MMP20: variants seen among roughly 807,000 people sequenced by gnomAD.
The protein encoded by MMP20 is matrix metallopeptidase 20, also known as matrix metalloproteinase-20.
Under a neutral mutation model 51.8 loss-of-function variants are expected in MMP20, and 50 were observed. That is an observed-to-expected ratio of 0.97 (90% CI 0.77 to 1.22). The LOEUF (loss-of-function observed/expected upper bound fraction) is 1.22. MMP20 is among the 50% of genes most tolerant of loss of function. The pLI is 0.00. For synonymous variants in MMP20, 244 were observed against 216.2 expected, an observed-to-expected ratio of 1.13 and a Z score of -1.13; for missense variants, 663 against 601.4, an observed-to-expected ratio of 1.10 and a Z score of -1.07.
In MMP20 at chr11:102,625,200, G is replaced by A. The variant is rs762825981; in HGVS notation, c.120C>T (p.Leu40=). 3.7e-6 allele frequency: 6 copies of A among 1,613,902 alleles called. No homozygotes were observed. In the Admixed American group the frequency reaches 5.0e-5, roughly 13 times the overall value. ...SPRTWRNNYR[L]AQAYLDKYYT... is the part of the protein sequence containing the mutation. ...TGGGCAAAAATTCACAAACCTGTGC[G>A]AGGCGGTAGTTGTTCCTCCAGGTCC... Residue 40 remains leucine (L), a synonymous_variant, in exon 1 of 10, where the codon CTC becomes CTT. Transcript: ENST00000260228.
Position 102,617,058 on chromosome 11 carries a change from G to T in MMP20, c.128C>A (p.Ala43Glu), listed in dbSNP as rs767204709. The change falls in exon 2 of 10, where the codon GCG becomes GAG. Residue 43 changes from alanine to glutamate, a missense_variant and splice_region_variant. Physicochemically the swap from Ala to Glu is moderately radical, Grantham distance 107. Coordinates refer to ENST00000260228, the MANE Select transcript of MMP20 (RefSeq NM_004771.4). ...ATTTGTGTAATATTTGTCAAGATAC[G>T]CCTGAAATGGAGAGGCAGGCTGACG... ...TWRNNYRLAQAYLDKYYTNKE... is the reference protein window; with the variant it reads ...TWRNNYRLAQEYLDKYYTNKE... The T allele has an allele frequency of 1.9e-6, 3 of 1,614,022 alleles. No homozygotes were observed. The highest frequency in any genetic ancestry group is 1.3e-5 in the African/African-American group (1 of 74,906).
rs138477507 is a variant in MMP20, at chr11:102,612,423, C to T, written c.375-520G>A. 1.2e-3 allele frequency among the ~76,000 whole-genome samples: 189 copies of T among 152,152 alleles called. 2 individuals carry two copies. The highest frequency in any genetic ancestry group is 2.4e-3 in the Non-Finnish European group (162 of 68,008). On this transcript the variant is annotated intron_variant, in intron 2 of 9. Transcript: ENST00000260228. ...GAGGTTGCAGTGAGCCAAGATCGGGCGACTGCACTCCAGCCTGGGTGACAC... is the reference window on the plus strand; with the variant it reads ...GAGGTTGCAGTGAGCCAAGATCGGGTGACTGCACTCCAGCCTGGGTGACAC...
Position 102,613,767 on chromosome 11 carries a change from GA to G in MMP20, c.375-1865del, listed in dbSNP as rs542366435. Among the ~76,000 whole-genome samples the G allele has an allele frequency of 2.0e-3, 306 of 152,306 alleles. 2 individuals are homozygous for G. Among genetic ancestry groups the G allele is most frequent in the Admixed American group, 8.1e-3 (124 of 15,296 alleles). Reference sequence around the variant, plus strand: ...GCCAAAAGAAGAGAGCTATAGAATTGAAGGGGGATACCAGACAGACCCTTAA... The same window carrying G: ...GCCAAAAGAAGAGAGCTATAGAATTGAGGGGGATACCAGACAGACCCTTAA... On this transcript the variant is annotated intron_variant, in intron 2 of 9. Coordinates refer to ENST00000260228, the MANE Select transcript of MMP20 (RefSeq NM_004771.4).
chr11:102,603,400 A>T (rs1020693050), intron 6 of MMP20, among the ~76,000 whole-genome samples: 4 of 152,126 alleles, frequency 2.6e-5, no homozygotes, highest in Non-Finnish European at 4.4e-5. Context: ...TCTGGACAGC[A>T]CCTTAGGAGG....
At chr11:102,609,817 G>T in intron 4 of MMP20, 88 bp downstream of exon 4, 1 of 1,581,850 alleles carries the variant, frequency 6.3e-7, no homozygotes, top group Admixed American at 1.7e-5. Context: ...TTAAAGGGTG[G>T]CTTGGGACGT....
intron 1 of MMP20, among the ~76,000 whole-genome samples, chr11:102,620,553 C>T (rs1859736877): frequency 6.6e-6 from 1 of 152,134 alleles, no homozygotes; most frequent in Non-Finnish European, 1.5e-5. Flanking sequence ...CCTCTCTCCA[C>T]TTCTCTTCTG....
In MMP20 at chr11:102,618,873, G is replaced by A. The variant is rs534218774; in HGVS notation, c.127-1814C>T. Among the ~76,000 whole-genome samples the A allele has an allele frequency of 3.9e-5, 6 of 152,256 alleles. No individual in the cohort carries two copies. In the East Asian group the frequency reaches 7.7e-4, roughly 20 times the overall value. On this transcript the variant is annotated intron_variant, in intron 1 of 9. Transcript: ENST00000260228. Reference sequence around the variant, plus strand: ...AAAGGAGTAAGTATCACTCATGTTTGGAGAGGGTACGCTATTTTTTCACTG... The same window carrying A: ...AAAGGAGTAAGTATCACTCATGTTTAGAGAGGGTACGCTATTTTTTCACTG...
chr11:102,616,261 ACAGTTCACTGCTTAGAGCTATGCTTT>A (rs1859668946), intron 2 of MMP20, among the ~76,000 whole-genome samples: 1 of 152,116 alleles, frequency 6.6e-6, no homozygotes, highest in Non-Finnish European at 1.5e-5. Flanking sequence ...CTGTGGTCCC[ACAGTTCACTGCTTAGAGCTATGCTTT>A]TGCACTTTTC....
At chr11:102,622,241 A>G (rs893150153) in intron 1 of MMP20, among the ~76,000 whole-genome samples, 8 of 152,094 alleles carry the variant, frequency 5.3e-5, no homozygotes, top group Non-Finnish European at 5.9e-5. Context: ...TCCAGGAGCC[A>G]TTTGTTCTTT....
intron 6 of MMP20, among the ~76,000 whole-genome samples, chr11:102,604,819 T>C (rs545150056): frequency 6.6e-6 from 1 of 152,354 alleles, no homozygotes; most frequent in Admixed American, 6.5e-5. Context: ...TAAAATTTTG[T>C]GAGTGAAAAA....
intron 8 of MMP20, among the ~76,000 whole-genome samples, chr11:102,593,089 G>A (rs1711440): frequency 2.6e-5 from 4 of 152,066 alleles, no homozygotes; most frequent in Admixed American, 2.0e-4. Context: ...GCATTTGATG[G>A]TCACATAACA....
chr11:102,596,805 C>T (rs1280744004), intron 6 of MMP20, among the ~76,000 whole-genome samples: 2 of 152,294 alleles, frequency 1.3e-5, no homozygotes, highest in South Asian at 4.1e-4. Context: ...TTTGTTTGTA[C>T]TTTGACCCTT....
At chr11:102,620,995 G>A (rs768015381) in intron 1 of MMP20, among the ~76,000 whole-genome samples, 29 of 152,134 alleles carry the variant, frequency 1.9e-4, no homozygotes, top group Non-Finnish European at 3.7e-4. Context: ...TGCTTGAGCC[G>A]GCTGCTCCCA....
At chr11:102,613,388 C>T (rs1414497665) in intron 2 of MMP20, among the ~76,000 whole-genome samples, 2 of 152,208 alleles carry the variant, frequency 1.3e-5, no homozygotes, top group African/African-American at 4.8e-5. Context: ...CTCTCTCTAG[C>T]TCCTAGTTTA....
At chr11:102,591,942 G>T (rs1285743772) in intron 8 of MMP20, among the ~76,000 whole-genome samples, 1 of 152,094 alleles carries the variant, frequency 6.6e-6, no homozygotes, top group African/African-American at 2.4e-5. Flanking sequence ...GTGATAAATG[G>T]GCAAGAGAGA....
chr11:102,619,131 T>TC (rs1255440531), intron 1 of MMP20, among the ~76,000 whole-genome samples: 2 of 150,760 alleles, frequency 1.3e-5, no homozygotes, highest in Non-Finnish European at 3.0e-5. Flanking sequence ...ATGTTTCTCA[T>TC]CTTTTTTTTT....
Position 102,594,771 on chromosome 11 carries a change from C to CAAA in MMP20, c.954-17_954-15dup. 3.1e-5 allele frequency: 44 copies of CAAA among 1,403,478 alleles called. No individual in the cohort carries two copies. The highest frequency in any genetic ancestry group is 1.1e-4 in the South Asian group (8 of 73,394). 86.9% of individuals were successfully genotyped at this position (1,403,478 alleles called of 1,614,324 possible). The stretch of plus-strand genomic sequence containing the variant: ...CTCCAGAAAATCCTATGGGACATTC[C>CAAA]AAAAAAAAAAAAAAAAAAAATCAAG... On this transcript the variant is annotated splice_polypyrimidine_tract_variant and intron_variant, in intron 6 of 9. Coordinates refer to ENST00000260228, the MANE Select transcript of MMP20 (RefSeq NM_004771.4).
At chr11:102,605,979 T>C (rs746366035) in intron 6 of MMP20, among the ~76,000 whole-genome samples, 1 of 152,198 alleles carries the variant, frequency 6.6e-6, no homozygotes, top group Non-Finnish European at 1.5e-5. Flanking sequence ...TTCGGAAGAA[T>C]GCTGGCCTTG....
At chr11:102,617,888 G>A (rs1351476564) in intron 1 of MMP20, among the ~76,000 whole-genome samples, 1 of 152,178 alleles carries the variant, frequency 6.6e-6, no homozygotes, top group Non-Finnish European at 1.5e-5. Context: ...CTACTCAGCT[G>A]ATTTTAGGAA....
Sources: gnomAD v4.1 joint callset for allele counts (sites outside exome capture counted in the v4.1 genomes callset) on GRCh38, gnomAD v4.1.1 for gene constraint, MANE v1.5 for transcripts, NCBI Gene and HGNC (gene_info 2026-07-23, HGNC 2026-07-21) for gene names.